The following GPR176 variants were observed in gnomAD, a reference collection of about 807,000 sequenced individuals.
The protein encoded by GPR176 is G-protein coupled receptor 176.
A neutral mutation model predicts 35.4 loss-of-function variants in GPR176; 26 were observed. The observed-to-expected ratio is 0.74, with a 90% CI of 0.54 to 1.02. The LOEUF (loss-of-function observed/expected upper bound fraction) is 1.02, where lower values mean the gene tolerates loss of function less well. GPR176 is among the 50% of genes least tolerant of loss of function. The pLI, the probability that GPR176 is intolerant of heterozygous loss-of-function variation, is 0.00. For synonymous variants in GPR176, 278 were observed against 271.3 expected (o/e 1.02, Z -0.24); for missense variants, 597 against 665.3 (o/e 0.90, Z 1.13).
chr15:39,858,157 AC>A (rs1348387319), intron 1 of GPR176, among the ~76,000 whole-genome samples: 2 of 152,092 alleles, frequency 1.3e-5, no homozygotes. Context: ...AGCAAGGTTG[AC>A]CAGTCTGAAA....
intron 1 of GPR176, among the ~76,000 whole-genome samples, chr15:39,820,619 T>C (rs777144227): frequency 1.4e-4 from 22 of 152,238 alleles, no homozygotes; most frequent in Non-Finnish European, 2.8e-4. Flanking sequence ...AGAGTATCTA[T>C]GATTCCTTTT....
At position 39,801,308 on chromosome 15, in the gene GPR176, A is replaced by G. The variant is rs1187067097; in HGVS notation, c.1372T>C (p.Phe458Leu). 6.2e-7 allele frequency: 1 copy of G among 1,614,182 alleles called. No homozygotes were observed. Among genetic ancestry groups the G allele is most frequent in the South Asian group, 1.1e-5 (1 of 91,086 alleles). Residue 458 changes from phenylalanine to leucine, a missense_variant, in exon 3 of 3, where the codon TTT (phenylalanine) becomes CTT (leucine). By Grantham distance (22) the Phe-to-Leu change is conservative. Coordinates refer to ENST00000561100, the MANE Select transcript of GPR176 (RefSeq NM_007223.3). ...KYSLQFGFGP[F>L]ELPPQWLSET... is the part of the protein sequence containing the mutation. ...GAGAGCCACTGAGGAGGCAACTCAA[A>G]AGGCCCAAAGCCAAACTGCAGGGAA...
intron 1 of GPR176, among the ~76,000 whole-genome samples, chr15:39,852,696 G>C (rs116760924): frequency 0.015 from 2,218 of 152,206 alleles, 54 homozygotes; most frequent in African/African-American, 0.051. Context: ...GATTTTAAAA[G>C]CATGTATGAA....
chr15:39,836,629 T>A, intron 1 of GPR176, among the ~76,000 whole-genome samples: 1 of 152,156 alleles, frequency 6.6e-6, no homozygotes, highest in Non-Finnish European at 1.5e-5. Flanking sequence ...AGGCAGACTC[T>A]TCAGAAGGCA....
chr15:39,840,241 A>C (rs935597381), intron 1 of GPR176, among the ~76,000 whole-genome samples: 18 of 152,244 alleles, frequency 1.2e-4, no homozygotes, highest in African/African-American at 4.3e-4. Context: ...CCAAATGTCC[A>C]TCAATGATAG....
At chr15:39,858,617 G>A (rs1030652460) in intron 1 of GPR176, among the ~76,000 whole-genome samples, 6 of 152,190 alleles carry the variant, frequency 3.9e-5, no homozygotes, top group African/African-American at 1.4e-4. Flanking sequence ...GGAAGCTGAA[G>A]AGGGAGGATC....
At chr15:39,901,394 T>G (rs2033272261) in intron 1 of GPR176, among the ~76,000 whole-genome samples, 1 of 152,188 alleles carries the variant, frequency 6.6e-6, no homozygotes, top group African/African-American at 2.4e-5. Flanking sequence ...CCCTGCCTAT[T>G]CATATTAAAG....
chr15:39,910,419 C>T (rs1224634318), intron 1 of GPR176, among the ~76,000 whole-genome samples: 1 of 152,012 alleles, frequency 6.6e-6, no homozygotes, highest in Admixed American at 6.5e-5. Flanking sequence ...AAAACCCCAT[C>T]TCTACTAAAA....
chr15:39,902,982 T>A (rs2033321573), intron 1 of GPR176, among the ~76,000 whole-genome samples: 1 of 152,226 alleles, frequency 6.6e-6, no homozygotes, highest in South Asian at 2.1e-4. Flanking sequence ...ATTTTTCAAC[T>A]TTACCATGGT....
At position 39,885,750 on chromosome 15, in the gene GPR176, C is replaced by T. The variant is rs142581963; in HGVS notation, c.172+34105G>A. 9.9e-5 allele frequency among the ~76,000 whole-genome samples: 15 copies of T among 152,252 alleles called. No individual in the cohort carries two copies. In the East Asian group the frequency reaches 2.9e-3, roughly 29 times the overall value. ...AATAATAGATTGCTGATTCCATTTG[C>T]TTATGGCAAGAAAGAAAAATAATTA... On this transcript the variant is annotated intron_variant, in intron 1 of 2. Transcript: ENST00000561100.
chr15:39,843,180 C>T (rs997932116), intron 1 of GPR176, among the ~76,000 whole-genome samples: 4 of 151,956 alleles, frequency 2.6e-5, no homozygotes, highest in Admixed American at 6.6e-5. Flanking sequence ...ATAAGAGTGG[C>T]TGTCATGTGG....
chr15:39,802,827 G>A lies in GPR176; in HGVS notation c.426-573C>T, dbSNP rs192271661. 1.4e-4 allele frequency among the ~76,000 whole-genome samples: 21 copies of A among 152,280 alleles called. No individual in the cohort carries two copies. In the East Asian group the frequency reaches 3.9e-3, roughly 28 times the overall value. ...CAGTATGAAGAATGGACTCCGACAA[G>A]GTCCTTCCACAAAAATCAATTCAGC... On this transcript the variant is annotated intron_variant, in intron 2 of 2. Coordinates refer to ENST00000561100, the MANE Select transcript of GPR176 (RefSeq NM_007223.3).
rs548963753 is a variant in GPR176, at chr15:39,800,161, C to T, written c.*971G>A. 2.0e-5 allele frequency: 3 copies of T among 152,290 alleles called. No individual in the cohort carries two copies. The South Asian group carries it at 6.2e-4, about 32-fold the overall frequency. The allele number at this position is 152,290 out of a possible 1,614,324, so 9.4% of individuals were successfully genotyped here. A position where few individuals can be genotyped will look rare whatever the true frequency, so the allele number is the denominator to read the frequency against. ...CCAAAGGACCCAGCTTACACTAACT[C>T]TCCATTTTAAAAATACCTTTTAATT... On this transcript the variant is annotated 3_prime_UTR_variant, in exon 3 of 3. Transcript: ENST00000561100.
chr15:39,863,095 G>A (rs166701), intron 1 of GPR176, among the ~76,000 whole-genome samples: 2,269 of 148,730 alleles, frequency 0.015, 49 homozygotes, highest in African/African-American at 0.053. Context: ...ACAGAGTCTC[G>A]CTCTGTTGCC....
intron 1 of GPR176, among the ~76,000 whole-genome samples, chr15:39,827,459 T>G (rs1407755259): frequency 6.6e-6 from 1 of 152,160 alleles, no homozygotes; most frequent in East Asian, 1.9e-4. Context: ...TAGTTTCTGT[T>G]GAACCCTTAG....
chr15:39,801,461 TAAATATC>T lies in GPR176; in HGVS notation c.1212_1218del (p.Ile405AlafsTer19). On this transcript the variant is annotated frameshift_variant, in exon 3 of 3. Coordinates refer to ENST00000561100, the MANE Select transcript of GPR176 (RefSeq NM_007223.3). LOFTEE classifies it high-confidence loss of function. ...CCCTGCTCTCCCTCCAGGCAGGTGC[TAAATATC>T]TCCTTGGCCTGGAAGTCAGCTGAGC... 6.2e-7 allele frequency: 1 copy of T among 1,614,132 alleles called. No individual in the cohort carries two copies. Among genetic ancestry groups the T allele is most frequent in the Non-Finnish European group, 8.5e-7 (1 of 1,179,964 alleles).
intron 1 of GPR176, among the ~76,000 whole-genome samples, chr15:39,854,729 T>A (rs959483807): frequency 6.6e-6 from 1 of 152,024 alleles, no homozygotes; most frequent in African/African-American, 2.4e-5. Flanking sequence ...CCTCCCTTGG[T>A]TCCCCTCCCA....
intron 1 of GPR176, among the ~76,000 whole-genome samples, chr15:39,817,050 C>A (rs993304654): frequency 1.0e-5 from 1 of 98,660 alleles, no homozygotes; most frequent in Non-Finnish European, 1.9e-5. Flanking sequence ...GCCTTGGTAA[C>A]AGAGCAGGAT....
At chr15:39,821,434 A>C (rs1238400794) in intron 1 of GPR176, among the ~76,000 whole-genome samples, 1 of 152,250 alleles carries the variant, frequency 6.6e-6, no homozygotes, top group African/African-American at 2.4e-5. Context: ...ATTAAGCCAC[A>C]GTTTCCATTA....
Sources: gnomAD v4.1 joint callset for allele counts (sites outside exome capture counted in the v4.1 genomes callset) on GRCh38, gnomAD v4.1.1 for gene constraint, MANE v1.5 for transcripts, NCBI Gene and HGNC (gene_info 2026-07-23, HGNC 2026-07-21) for gene names.